Variants in ARHGAP15 observed in about 807,000 individuals in gnomAD.
ARHGAP15 encodes the protein Rho GTPase activating protein 15.
In ARHGAP15, 51 loss-of-function variants were observed where a neutral mutation model predicts 63.7. That is an observed-to-expected ratio of 0.80 (90% CI 0.64 to 1.01). ARHGAP15 has a LOEUF of 1.01. Among genes scored for constraint, ARHGAP15 ranks in the 50% least tolerant of loss-of-function variants. The probability of loss-of-function intolerance (pLI) is 0.00; values close to 1 mark genes in which losing one functional copy is unlikely to be tolerated. For missense variants in ARHGAP15, 560 were observed against 564.6 expected (o/e 0.99, Z 0.08); for synonymous variants, 191 against 193.8 (o/e 0.99, Z 0.12).
intron 12 of ARHGAP15, among the ~76,000 whole-genome samples, chr2:143,697,606 G>T (rs978307450): frequency 2.0e-5 from 3 of 152,126 alleles, no homozygotes; most frequent in Admixed American, 6.6e-5. Flanking sequence ...TGAGTTTGAA[G>T]CATGTGTATA....
rs1342930129 is a variant in ARHGAP15 at position 143,679,677 on chromosome 2, GTGTGTGTA to G, written c.1139-23734_1139-23727del. Among the ~76,000 whole-genome samples, 9 of 132,330 alleles carry G rather than the reference GTGTGTGTA, an allele frequency of 6.8e-5. No individual in the cohort carries two copies. In the East Asian group the frequency reaches 7.0e-4, roughly 10 times the overall value. The allele number at this position is 132,330 out of a possible 152,430, so 86.8% of individuals were successfully genotyped here. Reference sequence around the variant, plus strand: ...TGCGTGTGTGTGTGTGTGTGTGTGTGTGTGTGTATGTGTGTGTGTGCAAGCTTAGGTCC... The same window carrying G: ...TGCGTGTGTGTGTGTGTGTGTGTGTGTGTGTGTGTGTGCAAGCTTAGGTCC... On this transcript the variant is annotated intron_variant, in intron 12 of 13. Coordinates refer to ENST00000295095, the MANE Select transcript of ARHGAP15 (RefSeq NM_018460.4).
chr2:143,634,371 C>T (rs1227991441), intron 12 of ARHGAP15, among the ~76,000 whole-genome samples: 5 of 152,098 alleles, frequency 3.3e-5, no homozygotes, highest in Admixed American at 2.0e-4. Flanking sequence ...AGACCTAGAG[C>T]AAATATTTAA....
chr2:143,545,054 G>A (rs1320554387), intron 10 of ARHGAP15, among the ~76,000 whole-genome samples: 4 of 152,196 alleles, frequency 2.6e-5, no homozygotes, highest in Admixed American at 2.0e-4. Context: ...GCAGCAATAA[G>A]CTGAAAAGAA....
chr2:143,538,774 C>T (rs559999540), intron 10 of ARHGAP15, among the ~76,000 whole-genome samples: 41 of 152,212 alleles, frequency 2.7e-4, no homozygotes, highest in African/African-American at 7.7e-4. Flanking sequence ...CTGCTGGATT[C>T]GGTTTGCCAG....
chr2:143,316,546 AAT>A (rs771809130), intron 6 of ARHGAP15, among the ~76,000 whole-genome samples: 46 of 145,552 alleles, frequency 3.2e-4, no homozygotes, highest in Middle Eastern at 3.6e-3. Context: ...CATATATTAA[AAT>A]ATATGTTATA....
chr2:143,164,130 C>T (rs1690406217), intron 2 of ARHGAP15, among the ~76,000 whole-genome samples: 1 of 151,998 alleles, frequency 6.6e-6, no homozygotes, highest in African/African-American at 2.4e-5. Context: ...ACTTCAGTCC[C>T]TGATGTGTTC....
intron 6 of ARHGAP15, among the ~76,000 whole-genome samples, chr2:143,286,188 T>C (rs980793305): frequency 6.6e-6 from 1 of 152,180 alleles, no homozygotes; most frequent in Non-Finnish European, 1.5e-5. Flanking sequence ...GTGGTGTTAT[T>C]GTACTTTTAA....
chr2:143,267,625 T>C (rs1376137635), intron 6 of ARHGAP15, among the ~76,000 whole-genome samples: 1 of 152,184 alleles, frequency 6.6e-6, no homozygotes, highest in East Asian at 1.9e-4. Flanking sequence ...AATATGTAAA[T>C]GGGTTTAGTC....
At chr2:143,639,517 T>C (rs1680504890) in intron 12 of ARHGAP15, among the ~76,000 whole-genome samples, 1 of 152,134 alleles carries the variant, frequency 6.6e-6, no homozygotes, top group Non-Finnish European at 1.5e-5. Context: ...GAATGTTAGC[T>C]AAGAGCACCT....
At chr2:143,709,927 C>T (rs1295068507) in intron 13 of ARHGAP15, among the ~76,000 whole-genome samples, 1 of 152,164 alleles carries the variant, frequency 6.6e-6, no homozygotes, top group Non-Finnish European at 1.5e-5. Flanking sequence ...TCGTCAGGGG[C>T]CATGCTGGTG....
chr2:143,400,953 T>TA (rs1687965117), intron 6 of ARHGAP15, among the ~76,000 whole-genome samples: 1 of 152,034 alleles, frequency 6.6e-6, no homozygotes, highest in African/African-American at 2.4e-5. Flanking sequence ...CCAAGCCTGG[T>TA]AAAACCATTC....
chr2:143,503,893 C>G (rs1317311850), intron 9 of ARHGAP15, among the ~76,000 whole-genome samples: 1 of 152,106 alleles, frequency 6.6e-6, no homozygotes, highest in Non-Finnish European at 1.5e-5. Flanking sequence ...AGCAAGGTCC[C>G]CAGGAAGTGA....
At chr2:143,231,731 CAT>C (rs765450502) in intron 5 of ARHGAP15, among the ~76,000 whole-genome samples, 6 of 152,206 alleles carry the variant, frequency 3.9e-5, no homozygotes, top group Non-Finnish European at 7.3e-5. Context: ...AAACCACACA[CAT>C]TTATTTCTCC....
chr2:143,273,196 C>G (rs1009604415), intron 6 of ARHGAP15, among the ~76,000 whole-genome samples: 3 of 151,992 alleles, frequency 2.0e-5, no homozygotes, highest in African/African-American at 7.2e-5. Flanking sequence ...TATTGCTACA[C>G]TAATATCCTC....
intron 8 of ARHGAP15, among the ~76,000 whole-genome samples, chr2:143,450,104 T>C (rs1690341017): frequency 6.8e-6 from 1 of 146,570 alleles, no homozygotes; most frequent in South Asian, 2.1e-4. Context: ...TAATTAATCT[T>C]TTTTTTTTTT....
At chr2:143,225,299 T>A (rs1227467284) in intron 4 of ARHGAP15, among the ~76,000 whole-genome samples, 1 of 151,868 alleles carries the variant, frequency 6.6e-6, no homozygotes, top group African/African-American at 2.4e-5. Flanking sequence ...TTAAAAAAAT[T>A]TGGATTTAAA....
intron 10 of ARHGAP15, among the ~76,000 whole-genome samples, chr2:143,532,070 C>CAAGGTCACCA (rs1694545147): frequency 6.6e-6 from 1 of 152,156 alleles, no homozygotes; most frequent in Non-Finnish European, 1.5e-5. Flanking sequence ...CCATACAGGA[C>CAAGGTCACCA]AAGGTCACCA....
intron 2 of ARHGAP15, among the ~76,000 whole-genome samples, chr2:143,184,076 T>C (rs899183820): frequency 1.3e-5 from 2 of 152,212 alleles, no homozygotes; most frequent in African/African-American, 4.8e-5. Flanking sequence ...CAGCCGCTGA[T>C]GCAGCTTGTT....
At chr2:143,528,477 A>C (rs767905299) in intron 10 of ARHGAP15, among the ~76,000 whole-genome samples, 2 of 152,094 alleles carry the variant, frequency 1.3e-5, no homozygotes, top group Non-Finnish European at 2.9e-5. Flanking sequence ...AATAAGAAAT[A>C]TATGGTCAAT....
Sources: allele counts gnomAD v4.1 joint callset (sites outside exome capture counted in the v4.1 genomes callset), GRCh38; gene constraint gnomAD v4.1.1; transcripts MANE v1.5; gene names NCBI Gene and HGNC (gene_info 2026-07-23, HGNC 2026-07-21).